Variants in NCOA1 observed in about 807,000 individuals in gnomAD.
NCOA1 encodes the protein nuclear receptor coactivator 1, also known as Hin-2 protein.
NCOA1 carries 35 observed loss-of-function variants against 150.9 expected under a neutral mutation model. The ratio of observed to expected loss-of-function variants is 0.23; its 90% confidence interval spans 0.18 to 0.31. NCOA1 has a LOEUF of 0.31. Among genes scored for constraint, NCOA1 ranks in the 10% least tolerant of loss-of-function variants. The pLI is 1.00. For synonymous variants in NCOA1, 590 were observed against 630.0 expected, an observed-to-expected ratio of 0.94 and a Z score of 0.95; for missense variants, 1,491 against 1,749.3, an observed-to-expected ratio of 0.85 and a Z score of 2.63.
chr2:24,569,552 A>ATTTTTTTTTTTTTTT (rs200639064), intron 2 of NCOA1, among the ~76,000 whole-genome samples: 2 of 93,794 alleles, frequency 2.1e-5, no homozygotes, highest in African/African-American at 8.0e-5. Context: ...GGTTTTATTA[A>ATTTTTTTTTTTTTTT]TTTTTTTTTT....
At chr2:24,766,320 A>G (rs78777588) in intron 22 of NCOA1, among the ~76,000 whole-genome samples, 5 of 152,328 alleles carry the variant, frequency 3.3e-5, no homozygotes, top group African/African-American at 9.6e-5. Flanking sequence ...CTCTGCCCCA[A>G]TATTTCATAT....
chr2:24,699,065 C>T (rs1673033765), intron 11 of NCOA1, among the ~76,000 whole-genome samples: 1 of 152,132 alleles, frequency 6.6e-6, no homozygotes, highest in Non-Finnish European at 1.5e-5. Context: ...TGAAGGGCAG[C>T]CAGGTTTGGA....
intron 2 of NCOA1, chr2:24,564,653 A>T (rs1023956516): frequency 6.6e-6 from 1 of 152,154 alleles, no homozygotes; most frequent in Non-Finnish European, 1.5e-5. Flanking sequence ...CAGTATTCCA[A>T]TGTGGTCTCA....
At position 24,509,511 on chromosome 2, in the gene NCOA1, A is replaced by G. The variant is rs892363468; in HGVS notation, c.-396+17909A>G. On this transcript the variant is annotated intron_variant, in intron 1 of 22. Coordinates refer to ENST00000348332, the MANE Select transcript of NCOA1 (RefSeq NM_003743.5). ...AAGGTGGATGGTGGAGGCTTTGCCTATAACTAAGTGACAGTGAAAAGTTTG... is the reference window on the plus strand; with the variant it reads ...AAGGTGGATGGTGGAGGCTTTGCCTGTAACTAAGTGACAGTGAAAAGTTTG... Among the ~76,000 whole-genome samples, 9 of 152,240 alleles carry G rather than the reference A, an allele frequency of 5.9e-5. No homozygotes were observed. In the South Asian group the frequency reaches 8.3e-4, roughly 14 times the overall value.
At chr2:24,759,572 A>G (rs1275939368) in intron 21 of NCOA1, among the ~76,000 whole-genome samples, 3 of 152,216 alleles carry the variant, frequency 2.0e-5, no homozygotes, top group African/African-American at 4.8e-5. Flanking sequence ...ATAACTCTCT[A>G]TAGTTGCTAT....
intron 1 of NCOA1, among the ~76,000 whole-genome samples, chr2:24,552,049 G>A (rs553808432): frequency 6.6e-6 from 1 of 151,938 alleles, no homozygotes; most frequent in African/African-American, 2.4e-5. Flanking sequence ...AATTGCTGTA[G>A]CTTTATGGAA....
chr2:24,592,545 G>T (rs1404253828), intron 3 of NCOA1, among the ~76,000 whole-genome samples: 5 of 146,366 alleles, frequency 3.4e-5, no homozygotes, highest in African/African-American at 1.0e-4. Flanking sequence ...TTTAAGAAAA[G>T]TGTTTTTCTC....
chr2:24,730,997 C>A (rs892327505), intron 17 of NCOA1, among the ~76,000 whole-genome samples: 1 of 143,860 alleles, frequency 7.0e-6, no homozygotes, highest in African/African-American at 2.6e-5. Context: ...GAGATTGTGC[C>A]ATTACACTCC....
chr2:24,753,135 G>A (rs375193764), intron 20 of NCOA1, among the ~76,000 whole-genome samples: 46 of 152,118 alleles, frequency 3.0e-4, no homozygotes, highest in African/African-American at 1.1e-3. Flanking sequence ...AGGTAGAAAT[G>A]GAACCATATC....
chr2:24,525,678 C>G (rs1664624917), intron 1 of NCOA1, among the ~76,000 whole-genome samples: 1 of 151,736 alleles, frequency 6.6e-6, no homozygotes, highest in Non-Finnish European at 1.5e-5. Flanking sequence ...TTCTGGGTAG[C>G]TGGGATTATA....
intron 8 of NCOA1, among the ~76,000 whole-genome samples, chr2:24,690,290 A>C (rs554513227): frequency 6.6e-6 from 1 of 152,204 alleles, no homozygotes; most frequent in African/African-American, 2.4e-5. Context: ...ACACTTAATA[A>C]AGGATGAGAT....
chr2:24,641,594 T>A (rs1466574637), intron 3 of NCOA1, among the ~76,000 whole-genome samples: 2 of 152,158 alleles, frequency 1.3e-5, no homozygotes, highest in African/African-American at 4.8e-5. Flanking sequence ...TGCCTTCAGT[T>A]TTTTGAAGGA....
At chr2:24,704,276 A>G (rs1371512231) in intron 11 of NCOA1, among the ~76,000 whole-genome samples, 1 of 152,212 alleles carries the variant, frequency 6.6e-6, no homozygotes, top group Non-Finnish European at 1.5e-5. Context: ...TTTGAATATT[A>G]GTTAAGGAAC....
At chr2:24,664,816 T>G (rs1671341869) in intron 5 of NCOA1, among the ~76,000 whole-genome samples, 1 of 152,240 alleles carries the variant, frequency 6.6e-6, no homozygotes, top group Non-Finnish European at 1.5e-5. Context: ...TCTGTTACTT[T>G]TATATGTAGC....
chr2:24,633,966 G>T lies in NCOA1; in HGVS notation c.-174-10000G>T, dbSNP rs76106999. ...ACAACCTAAATACAAAAATGGCTAA[G>T]ATGTGGTATATTCACATACACATAT... is the stretch of plus-strand genomic sequence containing the variant. On this transcript the variant is annotated intron_variant, in intron 3 of 22. Transcript: ENST00000348332. Among the ~76,000 whole-genome samples the T allele has an allele frequency of 6.6e-4, 101 of 152,282 alleles. No individual in the cohort carries two copies. In the East Asian group the frequency reaches 0.018, roughly 27 times the overall value.
chr2:24,763,070 C>T (rs1664867026), intron 22 of NCOA1, among the ~76,000 whole-genome samples: 1 of 152,160 alleles, frequency 6.6e-6, no homozygotes, highest in African/African-American at 2.4e-5. Flanking sequence ...ATGGTGGCCA[C>T]TAATTGTTAT....
intron 1 of NCOA1, among the ~76,000 whole-genome samples, chr2:24,496,797 T>C (rs2148064265): frequency 6.6e-6 from 1 of 152,336 alleles, no homozygotes; most frequent in East Asian, 1.9e-4. Context: ...CTTTTTGTAT[T>C]TAAAGTTACA....
rs916689728 is a variant in NCOA1, at chr2:24,683,536, A to G, written c.532+408A>G. On this transcript the variant is annotated intron_variant, in intron 8 of 22. Transcript: ENST00000348332. ...AATGTTTTTAGACTTAAGTGCTTTA[A>G]CTGAGGAATTCCAAGTATGGTTGGA... Among the ~76,000 whole-genome samples, 60 of 152,208 alleles carry G rather than the reference A, an allele frequency of 3.9e-4. 1 individual carries two copies. Among genetic ancestry groups the G allele is most frequent in the African/African-American group, 1.2e-3 (49 of 41,440 alleles).
intron 1 of NCOA1, among the ~76,000 whole-genome samples, chr2:24,516,199 T>TC (rs888461724): frequency 1.4e-5 from 2 of 142,758 alleles, no homozygotes; most frequent in African/African-American, 5.2e-5. Context: ...TTTTTTTTTT[T>TC]TTTTTTTTTT....
Sources: allele counts gnomAD v4.1 joint callset (sites outside exome capture counted in the v4.1 genomes callset), GRCh38; gene constraint gnomAD v4.1.1; transcripts MANE v1.5; gene names NCBI Gene and HGNC (gene_info 2026-07-23, HGNC 2026-07-21).